Variants in SPEF2 observed in about 807,000 individuals in gnomAD.
SPEF2 encodes the protein sperm flagellar and cilia associated 2.
In SPEF2, 187 loss-of-function variants were observed where a neutral mutation model predicts 224.6. The ratio of observed to expected loss-of-function variants is 0.83; its 90% CI spans 0.74 to 0.94. The LOEUF is 0.94. Ranked by LOEUF, SPEF2 falls within the 40% of genes least tolerant of loss-of-function variation. SPEF2 has a pLI of 0.00. For synonymous variants in SPEF2, 715 were observed against 707.3 expected (o/e 1.01, Z -0.17); for missense variants, 2,170 against 2,135.6 (o/e 1.02, Z -0.32).
chr5:35,786,581 A>G (rs774693102), intron 30 of SPEF2, among the ~76,000 whole-genome samples: 3 of 152,020 alleles, frequency 2.0e-5, no homozygotes, highest in Non-Finnish European at 4.4e-5. Context: ...AATTGCTTGA[A>G]CCCAGGAGGC....
intron 12 of SPEF2, 145 bp from the exon 13 acceptor site, chr5:35,694,143 C>A: frequency 1.6e-6 from 1 of 630,034 alleles, no homozygotes; most frequent in Non-Finnish European, 2.7e-6. Context: ...AGAACTGAAA[C>A]TTTAATCTCC....
chr5:35,654,411 A>G (rs1748671206), intron 6 of SPEF2, 129 bp from the exon 7 acceptor site: 2 of 685,810 alleles, frequency 2.9e-6, no homozygotes, highest in Admixed American at 3.5e-5. Context: ...ATTTTCTTCA[A>G]TGCTTGTATT....
chr5:35,765,337 G>A (rs1751949181), intron 26 of SPEF2, among the ~76,000 whole-genome samples: 1 of 152,118 alleles, frequency 6.6e-6, no homozygotes, highest in South Asian at 2.1e-4. Flanking sequence ...TAACCAGCCT[G>A]CTTTTGATAA....
intron 21 of SPEF2, among the ~76,000 whole-genome samples, chr5:35,731,692 T>A (rs1021593387): frequency 6.6e-6 from 1 of 152,240 alleles, no homozygotes; most frequent in Non-Finnish European, 1.5e-5. Flanking sequence ...ACTTGGATGA[T>A]GCCTGTGTAA....
intron 1 of SPEF2, among the ~76,000 whole-genome samples, chr5:35,625,673 GGAA>G (rs1450474318): frequency 6.6e-6 from 1 of 152,152 alleles, no homozygotes; most frequent in Admixed American, 6.5e-5. Flanking sequence ...GAAAACTAAG[GGAA>G]GAATAGGGAT....
intron 16 of SPEF2, among the ~76,000 whole-genome samples, chr5:35,701,023 T>G (rs1738512974): frequency 6.6e-6 from 1 of 152,072 alleles, no homozygotes; most frequent in South Asian, 2.1e-4. Context: ...CATTGGGGTG[T>G]TTTTTTGAGA....
At chr5:35,709,751 C>T (rs10941258) in intron 19 of SPEF2, 622,451 of 983,970 alleles carry the variant, frequency 0.63, 201,524 homozygotes, top group Middle Eastern at 0.67. Flanking sequence ...AAGTGGCAGA[C>T]AATGAATATA....
rs772638511 is a variant in SPEF2, at chr5:35,641,578, T to C, written c.309T>C (p.Ala103=). 6 of 1,613,754 alleles carry C rather than the reference T, an allele frequency of 3.7e-6. No individual in the cohort carries two copies. In the South Asian group the frequency reaches 6.6e-5, roughly 18 times the overall value. Residue 103 remains alanine, a synonymous_variant, in exon 3 of 37, where the codon GCT becomes GCC. Transcript: ENST00000356031. Reference sequence around the variant, plus strand: ...AGCTGTTATATCAATTGTACATTGCTCTTCAGAAAAAGAAGAAAAGTGGAC... The same window carrying C: ...AGCTGTTATATCAATTGTACATTGCCCTTCAGAAAAAGAAGAAAAGTGGAC... ...ATKLLYQLYI[A]LQKKKKSGLT... is the part of the protein sequence containing the mutation.
At position 35,814,540 on chromosome 5, in the gene SPEF2, A is replaced by G; in HGVS notation, c.5456A>G (p.Glu1819Gly). Residue 1819 changes from glutamate to glycine, a missense_variant, in exon 37 of 37, where the codon GAG (glutamate) becomes GGG (glycine). By Grantham distance (98) the Glu-to-Gly change is moderately conservative. Coordinates refer to ENST00000356031, the MANE Select transcript of SPEF2 (RefSeq NM_024867.4). ...GAGAGATCACCTTCAAGACATACAG[A>G]GGAAAAGAAATGAAGACAAAAGAGT... The part of the protein sequence containing the change: ...DGERSPSRHT[E>G]EKK 6.2e-7 allele frequency: 1 copy of G among 1,603,124 alleles called. No homozygotes were observed. Among genetic ancestry groups the G allele is most frequent in the Non-Finnish European group, 8.5e-7 (1 of 1,173,740 alleles).
At chr5:35,757,506 T>C (rs765183369) in intron 24 of SPEF2, among the ~76,000 whole-genome samples, 5 of 152,166 alleles carry the variant, frequency 3.3e-5, no homozygotes, top group Non-Finnish European at 7.4e-5. Flanking sequence ...CACACTTATT[T>C]TAATTCTCCA....
At chr5:35,771,787 G>T (rs1176127766) in intron 27 of SPEF2, 31 bp downstream of exon 27, 1 of 1,570,448 alleles carries the variant, frequency 6.4e-7, no homozygotes, top group Admixed American at 2.1e-5. Flanking sequence ...CAGAACCCTG[G>T]ATGCCTAAAC....
chr5:35,659,345 T>G (rs1749392413), intron 8 of SPEF2, 138 bp downstream of exon 8: 1 of 797,064 alleles, frequency 1.3e-6, no homozygotes. Context: ...TATCTGCCCA[T>G]TTTTATTTTT....
At position 35,781,637 on chromosome 5, in the gene SPEF2, T is replaced by C. The variant is rs571654937; in HGVS notation, c.4447+2291T>C. On this transcript the variant is annotated intron_variant, in intron 30 of 36. Transcript: ENST00000356031. Reference sequence around the variant, plus strand: ...CCATATGCAAGAATAACAGTTGTAATTACCACAGAATTTACAAGGCTATAC... The same window carrying C: ...CCATATGCAAGAATAACAGTTGTAACTACCACAGAATTTACAAGGCTATAC... The C allele has an allele frequency of 5.3e-5, 8 of 152,094 alleles. 2 individuals are homozygous for C. The South Asian group carries it at 1.2e-3, about 24-fold the overall frequency. The allele number at this position is 152,094 out of a possible 1,614,324, so 9.4% of individuals were successfully genotyped here.
intron 2 of SPEF2, among the ~76,000 whole-genome samples, chr5:35,635,139 C>G (rs572540675): frequency 2.6e-5 from 4 of 151,680 alleles, no homozygotes; most frequent in Admixed American, 6.6e-5. Context: ...TTTTCCTCCT[C>G]TGAATAGGTT....
intron 19 of SPEF2, chr5:35,710,488 C>T (rs1254724702): frequency 4.3e-6 from 3 of 701,184 alleles, no homozygotes; most frequent in South Asian, 6.4e-5. Context: ...ACCTGAGAGG[C>T]GGAGGTTGCA....
At chr5:35,785,649 T>G (rs936447198) in intron 30 of SPEF2, among the ~76,000 whole-genome samples, 8 of 150,816 alleles carry the variant, frequency 5.3e-5, no homozygotes, top group African/African-American at 1.9e-4. Context: ...CCCCCCCACC[T>G]CAGCCTTCCA....
Position 35,728,456 on chromosome 5 carries a change from G to A in SPEF2, c.3063+633G>A, listed in dbSNP as rs186306941. Among the ~76,000 whole-genome samples, 337 of 152,250 alleles carry A rather than the reference G, an allele frequency of 2.2e-3. 2 individuals are homozygous for A. Among genetic ancestry groups the A allele is most frequent in the Admixed American group, 5.5e-3 (84 of 15,296 alleles). ...TCCTTCCTTTGAAACTTTTTAAACA[G>A]CAAAGAGCTTTTTAAAAGACAAGGT... is the stretch of plus-strand genomic sequence containing the variant. On this transcript the variant is annotated intron_variant, in intron 21 of 36. Coordinates refer to ENST00000356031, the MANE Select transcript of SPEF2 (RefSeq NM_024867.4).
At chr5:35,731,815 C>T (rs1745686027) in intron 21 of SPEF2, among the ~76,000 whole-genome samples, 1 of 152,156 alleles carries the variant, frequency 6.6e-6, no homozygotes, top group Admixed American at 6.5e-5. Flanking sequence ...CAGCTCTGAG[C>T]ACCTCATTAC....
In SPEF2 at chr5:35,792,361, T is replaced by G; in HGVS notation, c.4469T>G (p.Phe1490Cys). 2 of 1,613,600 alleles carry G rather than the reference T, an allele frequency of 1.2e-6. No homozygotes were observed. The highest frequency in any genetic ancestry group is 1.7e-6 in the Non-Finnish European group (2 of 1,179,716). Reference protein sequence around the residue: ...APKGIIGNKAFTDILIDLVTL... With the variant: ...APKGIIGNKACTDILIDLVTL... ...ATAGGCATAATAGGAAATAAAGCAT[T>G]TACTGACATTCTGATCGATTTGGTG... is the stretch of plus-strand genomic sequence containing the variant. The change falls in exon 31 of 37, where the codon TTT becomes TGT. Residue 1490 changes from phenylalanine (F) to cysteine (C), a missense_variant. By Grantham distance (205) the Phe-to-Cys change is radical. Coordinates refer to ENST00000356031, the MANE Select transcript of SPEF2 (RefSeq NM_024867.4).
Sources: gnomAD v4.1 joint callset for allele counts (sites outside exome capture counted in the v4.1 genomes callset) on GRCh38, gnomAD v4.1.1 for gene constraint, MANE v1.5 for transcripts, NCBI Gene and HGNC (gene_info 2026-07-23, HGNC 2026-07-21) for gene names.